The following ALPK1 variants were observed in gnomAD, a reference collection of about 807,000 sequenced individuals.
The protein encoded by ALPK1 is alpha kinase 1.
A neutral mutation model predicts 120.6 loss-of-function variants in ALPK1; 110 were observed. The ratio of observed to expected loss-of-function variants is 0.91; its 90% CI spans 0.78 to 1.07. ALPK1 has a LOEUF of 1.07. Among genes scored for constraint, ALPK1 ranks in the 50% least tolerant of loss-of-function variants. The pLI is 0.00. For missense variants in ALPK1, 1,498 were observed against 1,483.9 expected, an observed-to-expected ratio of 1.01 and a Z score of -0.16; for synonymous variants, 582 against 560.3, an observed-to-expected ratio of 1.04 and a Z score of -0.55.
At chr4:112,357,257 G>A (rs1730676395) in intron 2 of ALPK1, 4 of 1,384,534 alleles carry the variant, frequency 2.9e-6, no homozygotes, top group Non-Finnish European at 4.0e-6. Context: ...CCAGCATCTG[G>A]CAGGACGTGC....
At chr4:112,358,997 G>A in intron 2 of ALPK1, 1 of 767,296 alleles carries the variant, frequency 1.3e-6, no homozygotes, top group Admixed American at 1.7e-5. Flanking sequence ...TCTGTATACA[G>A]CTAACAGGAC....
chr4:112,390,688 T>C (rs2148734370), intron 4 of ALPK1, among the ~76,000 whole-genome samples: 1 of 152,326 alleles, frequency 6.6e-6, no homozygotes, highest in Non-Finnish European at 1.5e-5. Context: ...TGTTGAAATA[T>C]ATATGAGGCT....
intron 2 of ALPK1, among the ~76,000 whole-genome samples, chr4:112,353,241 G>A (rs1730444569): frequency 6.6e-6 from 1 of 152,086 alleles, no homozygotes; most frequent in Admixed American, 6.6e-5. Flanking sequence ...CTCCCAAAGT[G>A]CTGGGATTAC....
intron 2 of ALPK1, among the ~76,000 whole-genome samples, chr4:112,354,417 G>A (rs953508113): frequency 1.3e-5 from 2 of 151,800 alleles, no homozygotes; most frequent in Non-Finnish European, 2.9e-5. Flanking sequence ...TCAAGTTCCC[G>A]TATATATGTA....
intron 2 of ALPK1, among the ~76,000 whole-genome samples, chr4:112,369,407 A>G (rs1249513760): frequency 4.6e-5 from 7 of 152,334 alleles, no homozygotes; most frequent in African/African-American, 1.7e-4. Context: ...AATGGTGGGA[A>G]CAGCTGGATT....
chr4:112,362,888 T>G (rs1227536056), intron 2 of ALPK1, among the ~76,000 whole-genome samples: 1 of 152,234 alleles, frequency 6.6e-6, no homozygotes, highest in Non-Finnish European at 1.5e-5. Context: ...AGCAGATTTC[T>G]CAGCAGAAAC....
intron 2 of ALPK1, among the ~76,000 whole-genome samples, chr4:112,360,113 T>G (rs1730846186): frequency 1.3e-5 from 2 of 152,152 alleles, no homozygotes; most frequent in Admixed American, 6.5e-5. Flanking sequence ...ACCCCCATAC[T>G]GCTCTATGTT....
At chr4:112,334,471 GT>G (rs1729526846) in intron 2 of ALPK1, among the ~76,000 whole-genome samples, 1 of 151,530 alleles carries the variant, frequency 6.6e-6, no homozygotes, top group African/African-American at 2.4e-5. Flanking sequence ...AAGAAAGGCA[GT>G]TTTCCCTGTC....
At chr4:112,338,035 C>T (rs764710022) in intron 2 of ALPK1, among the ~76,000 whole-genome samples, 3 of 152,172 alleles carry the variant, frequency 2.0e-5, no homozygotes, top group Admixed American at 6.5e-5. Context: ...GGCATGATCT[C>T]GGCCCACTGA....
At chr4:112,412,206 G>A (rs1417475220) in intron 5 of ALPK1, among the ~76,000 whole-genome samples, 181 bp downstream of exon 5, 1 of 149,220 alleles carries the variant, frequency 6.7e-6, no homozygotes, top group East Asian at 2.0e-4. Flanking sequence ...CCAGCACAAA[G>A]GCCCTGGCAT....
intron 10 of ALPK1, among the ~76,000 whole-genome samples, chr4:112,429,839 C>CAAAAAAAAA (rs756983786): frequency 7.5e-5 from 3 of 40,098 alleles, no homozygotes; most frequent in Non-Finnish European, 1.5e-4. Context: ...GACCCTACCT[C>CAAAAAAAAA]AAAAAAAAAA....
At chr4:112,331,477 A>G (rs1347851964) in intron 2 of ALPK1, among the ~76,000 whole-genome samples, 1 of 152,118 alleles carries the variant, frequency 6.6e-6, no homozygotes, top group African/African-American at 2.4e-5. Context: ...TTTGAATTGC[A>G]CTGTGATTAT....
chr4:112,363,025 C>A (rs1222516822), intron 2 of ALPK1, among the ~76,000 whole-genome samples: 1 of 152,166 alleles, frequency 6.6e-6, no homozygotes, highest in Non-Finnish European at 1.5e-5. Flanking sequence ...CTTTTTCAGA[C>A]AAACAAATGC....
intron 2 of ALPK1, among the ~76,000 whole-genome samples, chr4:112,326,495 A>G (rs1729124966): frequency 6.6e-6 from 1 of 152,160 alleles, no homozygotes; most frequent in Admixed American, 6.5e-5. Context: ...TAGGCATTCA[A>G]GTCTTAATGG....
chr4:112,395,126 G>T (rs1383082736), intron 4 of ALPK1, among the ~76,000 whole-genome samples: 1 of 152,124 alleles, frequency 6.6e-6, no homozygotes, highest in African/African-American at 2.4e-5. Flanking sequence ...ATTCTTCACA[G>T]CATATAATCT....
intron 1 of ALPK1, among the ~76,000 whole-genome samples, chr4:112,307,746 C>A (rs1389351678): frequency 2.0e-5 from 3 of 152,078 alleles, no homozygotes; most frequent in Admixed American, 1.3e-4. Flanking sequence ...AGCCCATTTA[C>A]ATTTAAGGCT....
intron 2 of ALPK1, among the ~76,000 whole-genome samples, chr4:112,337,238 C>T (rs1028512667): frequency 6.6e-6 from 1 of 152,124 alleles, no homozygotes; most frequent in African/African-American, 2.4e-5. Context: ...TAGTTTGTCT[C>T]TCTTTTTACT....
Position 112,347,612 on chromosome 4 carries a change from C to A in ALPK1, c.-100-30066C>A, listed in dbSNP as rs114575123. 5.6e-3 allele frequency among the ~76,000 whole-genome samples: 860 copies of A among 152,264 alleles called. 11 individuals carry two copies. The highest frequency in any genetic ancestry group is 0.019 in the African/African-American group (805 of 41,536). Reference sequence around the variant, plus strand: ...TTGAATTATATAATTATGTTTACTTCTCGAATGAAGTTGTTTCTGTGGGTT... The same window carrying A: ...TTGAATTATATAATTATGTTTACTTATCGAATGAAGTTGTTTCTGTGGGTT... On this transcript the variant is annotated intron_variant, in intron 2 of 15. Transcript: ENST00000650871.
At chr4:112,375,868 A>G (rs1209396665) in intron 2 of ALPK1, among the ~76,000 whole-genome samples, 1 of 152,082 alleles carries the variant, frequency 6.6e-6, no homozygotes, top group African/African-American at 2.4e-5. Flanking sequence ...GTTGACTTAA[A>G]GTGTGAGATG....
Sources: allele counts gnomAD v4.1 joint callset (sites outside exome capture counted in the v4.1 genomes callset), GRCh38; gene constraint gnomAD v4.1.1; transcripts MANE v1.5; gene names NCBI Gene and HGNC (gene_info 2026-07-23, HGNC 2026-07-21).